Variants in MCF2L observed in about 807,000 individuals in gnomAD.
MCF2L encodes the protein guanine nucleotide exchange factor DBS.
Under a neutral mutation model 153.4 loss-of-function variants are expected in MCF2L, and 97 were observed. That is an observed-to-expected ratio of 0.63 (90% confidence interval 0.54 to 0.75). The LOEUF (loss-of-function observed/expected upper bound fraction) is 0.75. Ranked by LOEUF, MCF2L falls within the 30% of genes least tolerant of loss-of-function variation. The pLI, the probability that MCF2L is intolerant of heterozygous loss-of-function variation, is 0.00. For missense variants in MCF2L, 1,347 were observed against 1,495.2 expected (o/e 0.90, Z 1.64); for synonymous variants, 659 against 632.2 (o/e 1.04, Z -0.64).
At position 113,077,052 on chromosome 13, in the gene MCF2L, G is replaced by A. The variant is rs1332562721; in HGVS notation, c.1501G>A (p.Glu501Lys). The A allele has an allele frequency of 1.2e-6, 2 of 1,610,174 alleles. No individual in the cohort carries two copies. The highest frequency in any genetic ancestry group is 1.1e-5 in the South Asian group (1 of 90,642). Residue 501 changes from glutamate (E) to lysine (K), a missense_variant and splice_region_variant, in exon 13 of 30, where the codon GAG (glutamate) becomes AAG (lysine). Around this residue, in one of 3 missense-constraint regions of MCF2L, gnomAD observed 820 missense variants for 921.2 expected, o/e 0.89. Coordinates refer to ENST00000535094, the MANE Select transcript of MCF2L (RefSeq NM_001112732.3). ...CACCTTACTGAGCATGCGGTTTCAG[G>A]AGCACGTGCGAAAGGTCTTCCAGAA... ...YESILNQDLM[E>K]HVRKVFQKQA...
chr13:113,061,927 G>A (rs993856793), intron 5 of MCF2L, among the ~76,000 whole-genome samples: 2 of 120,418 alleles, frequency 1.7e-5, no homozygotes, highest in African/African-American at 6.7e-5. Context: ...AGCCCTGGGG[G>A]TCACAAGGCC....
chr13:112,965,615 A>G (rs2081883468), upstream of MCF2L: 1 of 152,160 alleles, frequency 6.6e-6, no homozygotes, highest in African/African-American at 2.4e-5. Context: ...GGAAACACCT[A>G]TGCCTGCCCT....
chr13:112,969,508 T>C lies in MCF2L; in HGVS notation c.79+50T>C. On this transcript the variant is annotated intron_variant, in intron 1 of 29. Coordinates refer to ENST00000535094, the MANE Select transcript of MCF2L (RefSeq NM_001112732.3). The surrounding 1 kb of genome is among the most constrained non-coding windows in gnomAD (Gnocchi z 4.8). ...TGATCTGTGCTTAAGCTTGACATCA[T>C]GGGCTGAAATGTGGGGAAATGCGTC... 1 of 1,548,122 alleles carries C rather than the reference T, an allele frequency of 6.5e-7. No individual in the cohort carries two copies.
intron 4 of MCF2L, among the ~76,000 whole-genome samples, chr13:113,048,398 T>G (rs906884857): frequency 6.6e-6 from 1 of 151,816 alleles, no homozygotes; most frequent in Middle Eastern, 3.4e-3. Flanking sequence ...CAGAATTCTC[T>G]CTGAACACCA....
intron 17 of MCF2L, 95 bp downstream of exon 17, chr13:113,082,637 C>T: frequency 1.1e-6 from 1 of 940,406 alleles, no homozygotes; most frequent in Non-Finnish European, 1.7e-6. Context: ...GAGGCCAGGC[C>T]ATGCCTGGCT....
chr13:113,084,179 T>A (rs1266384074), intron 18 of MCF2L, 112 bp downstream of exon 18: 21 of 931,612 alleles, frequency 2.3e-5, no homozygotes, highest in Non-Finnish European at 3.6e-5. Context: ...CAAAATACGA[T>A]GTTTTCAATT....
chr13:112,906,485 T>C (rs2081174020), intron 2 of MCF2L, among the ~76,000 whole-genome samples: 1 of 152,218 alleles, frequency 6.6e-6, no homozygotes. Context: ...CACACGCATA[T>C]GTACACACAC....
At chr13:112,908,675 A>G (rs1290560478) in intron 2 of MCF2L, among the ~76,000 whole-genome samples, 1 of 152,028 alleles carries the variant, frequency 6.6e-6, no homozygotes, top group Non-Finnish European at 1.5e-5. Flanking sequence ...GGCAAGCATC[A>G]CTAGTCACCA....
chr13:112,933,836 C>G (rs760902397), intron 2 of MCF2L, among the ~76,000 whole-genome samples: 15 of 152,204 alleles, frequency 9.9e-5, no homozygotes, highest in Non-Finnish European at 1.8e-4. Context: ...TGTGGCAGGC[C>G]GAGGATACAT....
chr13:112,935,382 T>C (rs2081504792), intron 2 of MCF2L, among the ~76,000 whole-genome samples: 1 of 152,106 alleles, frequency 6.6e-6, no homozygotes, highest in South Asian at 2.1e-4. Flanking sequence ...CTCAGCCTCC[T>C]GGGTAGCTGG....
upstream of MCF2L, chr13:112,968,721 G>A: frequency 1.4e-6 from 2 of 1,393,096 alleles, no homozygotes; most frequent in South Asian, 1.6e-5. Context: ...GGAGGTAAAG[G>A]GAGGCGGCGG....
At chr13:112,975,713 C>G (rs2082190599) in intron 1 of MCF2L, among the ~76,000 whole-genome samples, 1 of 152,188 alleles carries the variant, frequency 6.6e-6, no homozygotes, top group Admixed American at 6.5e-5. Context: ...CACTGACGAT[C>G]CCAGTAATGA....
At chr13:112,939,310 C>T (rs1381600585) in intron 2 of MCF2L, among the ~76,000 whole-genome samples, 1 of 152,096 alleles carries the variant, frequency 6.6e-6, no homozygotes, top group South Asian at 2.1e-4. Context: ...GGTTTTGGGT[C>T]CCCAACCTGT....
chr13:112,913,859 A>AACAGGT (rs2081261479), intron 2 of MCF2L, among the ~76,000 whole-genome samples: 1 of 152,234 alleles, frequency 6.6e-6, no homozygotes, highest in South Asian at 2.1e-4. Context: ...ATTTTTAAAC[A>AACAGGT]GCTCTGTCTT....
At chr13:112,917,120 G>A (rs903327783) in intron 2 of MCF2L, 17 of 471,096 alleles carry the variant, frequency 3.6e-5, no homozygotes, top group East Asian at 3.5e-4. Flanking sequence ...TCAGCCCCTC[G>A]GCGATCTCAG....
At chr13:112,949,229 C>G (rs1240832331) in intron 2 of MCF2L, among the ~76,000 whole-genome samples, 2 of 152,216 alleles carry the variant, frequency 1.3e-5, no homozygotes, top group African/African-American at 4.8e-5. Flanking sequence ...AGCCCTATAG[C>G]TATTAAATAC....
chr13:112,953,166 G>A, intron 2 of MCF2L, among the ~76,000 whole-genome samples: 1 of 152,278 alleles, frequency 6.6e-6, no homozygotes, highest in East Asian at 1.9e-4. Flanking sequence ...CCGTGTTTTG[G>A]AATCAGTATT....
At chr13:112,916,788 C>G (rs543107234) in intron 2 of MCF2L, among the ~76,000 whole-genome samples, 2 of 152,126 alleles carry the variant, frequency 1.3e-5, no homozygotes, top group African/African-American at 4.8e-5. Context: ...CTTCTCCCCT[C>G]GCCCCCAAGG....
chr13:113,060,530 C>A, intron 4 of MCF2L, 63 bp from the exon 5 acceptor site: 1 of 1,593,188 alleles, frequency 6.3e-7, no homozygotes, highest in Non-Finnish European at 8.5e-7. Flanking sequence ...GCAGGCACCG[C>A]ACTAGGGGGG....
Sources: allele counts gnomAD v4.1 joint callset (sites outside exome capture counted in the v4.1 genomes callset), GRCh38; gene constraint gnomAD v4.1.1; regional missense constraint gnomAD v4.1.1; non-coding constraint Gnocchi (gnomAD v3.1); transcripts MANE v1.5; gene names NCBI Gene and HGNC (gene_info 2026-07-23, HGNC 2026-07-21).